Variants in GRIK2 observed in about 807,000 individuals in gnomAD.
GRIK2 encodes the protein glutamate ionotropic receptor kainate type subunit 2.
Under a neutral mutation model 100.3 loss-of-function variants are expected in GRIK2, and 32 were observed. That is an observed-to-expected ratio of 0.32 (90% CI 0.24 to 0.43). The LOEUF is 0.43. GRIK2 is among the 20% of genes least tolerant of loss of function. The pLI, the probability that GRIK2 is intolerant of heterozygous loss-of-function variation, is 1.00. For missense variants in GRIK2, 843 were observed against 1,114.9 expected, an observed-to-expected ratio of 0.76 and a Z score of 3.47; for synonymous variants, 417 against 389.4, an observed-to-expected ratio of 1.07 and a Z score of -0.83.
chr6:101,451,568 A>T (rs1187991958), intron 2 of GRIK2, among the ~76,000 whole-genome samples: 1 of 151,578 alleles, frequency 6.6e-6, no homozygotes, highest in African/African-American at 2.4e-5. Flanking sequence ...CCATTCATGA[A>T]GACAGCATGG....
chr6:101,406,395 A>G (rs1435695088), intron 2 of GRIK2, among the ~76,000 whole-genome samples: 2 of 152,176 alleles, frequency 1.3e-5, no homozygotes, highest in Admixed American at 1.3e-4. Context: ...TAGAAAGGTC[A>G]CTAGACAGCA....
At chr6:102,038,519 T>C (rs1218683042) in intron 15 of GRIK2, among the ~76,000 whole-genome samples, 1 of 151,468 alleles carries the variant, frequency 6.6e-6, no homozygotes, top group Non-Finnish European at 1.5e-5. Context: ...GCCACTATCA[T>C]AATCTGCATT....
At chr6:101,597,386 T>A (rs1337181862) in intron 2 of GRIK2, among the ~76,000 whole-genome samples, 2 of 151,706 alleles carry the variant, frequency 1.3e-5, no homozygotes, top group Non-Finnish European at 2.9e-5. Flanking sequence ...AAAGTTGACA[T>A]AATTTTTAAA....
At chr6:101,787,614 ATTC>A (rs1779519446) in intron 7 of GRIK2, among the ~76,000 whole-genome samples, 2 of 152,154 alleles carry the variant, frequency 1.3e-5, no homozygotes, top group East Asian at 1.9e-4. Flanking sequence ...AGTTTCAAAA[ATTC>A]TTCTTGTTAT....
intron 4 of GRIK2, among the ~76,000 whole-genome samples, chr6:101,668,267 C>T (rs1025227942): frequency 1.3e-5 from 2 of 152,056 alleles, no homozygotes; most frequent in African/African-American, 4.8e-5. Flanking sequence ...GTTCTCTGTA[C>T]AGAAAAAATC....
chr6:101,733,347 C>A (rs1775409129), intron 7 of GRIK2, among the ~76,000 whole-genome samples: 1 of 152,078 alleles, frequency 6.6e-6, no homozygotes, highest in Non-Finnish European at 1.5e-5. Context: ...GGATAAACAT[C>A]CCCATTCCAA....
chr6:102,050,679 A>AT lies in GRIK2; in HGVS notation c.2312-4650dup, dbSNP rs1475728247. 3.2e-4 allele frequency among the ~76,000 whole-genome samples: 49 copies of AT among 150,890 alleles called. 1 individual carries two copies. Among genetic ancestry groups the AT allele is most frequent in the South Asian group, 6.2e-4 (3 of 4,810 alleles). ...AAAAAAAAAAAAAACGGAATAAGAA[A>AT]TAAAAAGAGAGTACAGGAAAGGCAA... is the stretch of plus-strand genomic sequence containing the variant. On this transcript the variant is annotated intron_variant, in intron 15 of 16. Coordinates refer to ENST00000369134, the MANE Select transcript of GRIK2 (RefSeq NM_021956.5).
Position 101,621,948 on chromosome 6 carries a change from G to A in GRIK2, c.116-1G>A. 1 of 1,591,728 alleles carries A rather than the reference G, an allele frequency of 6.3e-7. No individual in the cohort carries two copies. The highest frequency in any genetic ancestry group is 8.6e-7 in the Non-Finnish European group (1 of 1,161,484). On this transcript the variant is annotated splice_acceptor_variant, in intron 2 of 16. Transcript: ENST00000369134. LOFTEE classifies it high-confidence loss of function. ...ATGATTTTTCTCTTTCTTTTTGCCA[G>A]GTGGTATTTTTGAATATGTGGAATC... is the stretch of plus-strand genomic sequence containing the variant.
At chr6:101,439,567 A>T (rs1769930851) in intron 2 of GRIK2, among the ~76,000 whole-genome samples, 1 of 152,150 alleles carries the variant, frequency 6.6e-6, no homozygotes, top group Non-Finnish European at 1.5e-5. Context: ...TTCTGATTCT[A>T]AAGACATGGG....
intron 2 of GRIK2, among the ~76,000 whole-genome samples, chr6:101,491,444 G>A (rs145059454): frequency 2.0e-5 from 3 of 151,898 alleles, no homozygotes; most frequent in African/African-American, 7.2e-5. Context: ...AACCTTCACT[G>A]GAAAAATGCC....
chr6:101,567,544 T>G (rs191644030), intron 2 of GRIK2, among the ~76,000 whole-genome samples: 73 of 152,118 alleles, frequency 4.8e-4, no homozygotes, highest in Admixed American at 7.9e-4. Flanking sequence ...CTTCACATTC[T>G]GGGCAAATGG....
intron 7 of GRIK2, among the ~76,000 whole-genome samples, chr6:101,697,494 A>C (rs7741472): frequency 0.041 from 1,091 of 26,540 alleles, 10 homozygotes; most frequent in African/African-American, 0.06. Flanking sequence ...TATTACAATA[A>C]CATATCCCTA....
chr6:101,582,795 A>G (rs1778164307), intron 2 of GRIK2, among the ~76,000 whole-genome samples: 1 of 152,168 alleles, frequency 6.6e-6, no homozygotes, highest in African/African-American at 2.4e-5. Flanking sequence ...GTTCACATAC[A>G]ATTCCTGACA....
chr6:101,761,209 G>T (rs2128391380), intron 7 of GRIK2, among the ~76,000 whole-genome samples: 1 of 152,232 alleles, frequency 6.6e-6, no homozygotes, highest in African/African-American at 2.4e-5. Context: ...CACTATCTTT[G>T]AATTCCATGG....
At chr6:101,910,792 G>A (rs1175269768) in intron 12 of GRIK2, among the ~76,000 whole-genome samples, 1 of 148,852 alleles carries the variant, frequency 6.7e-6, no homozygotes, top group Non-Finnish European at 1.5e-5. Context: ...AAAAGAATTA[G>A]GTGACTATAA....
chr6:101,968,583 A>G (rs1792845402), intron 14 of GRIK2, among the ~76,000 whole-genome samples: 1 of 151,986 alleles, frequency 6.6e-6, no homozygotes, highest in Admixed American at 6.6e-5. Context: ...TCATTTTAAT[A>G]TTTCTAGATC....
chr6:101,512,113 A>G (rs2243889), intron 2 of GRIK2, among the ~76,000 whole-genome samples: 11,112 of 151,614 alleles, frequency 0.073, 482 homozygotes, highest in Middle Eastern at 0.11. Context: ...CTTTAAGGAT[A>G]CTGCCATTAT....
In GRIK2 at chr6:101,686,331, G is replaced by T. The variant is rs1314174085; in HGVS notation, c.929G>T (p.Gly310Val). The T allele has an allele frequency of 1.9e-6, 3 of 1,613,300 alleles. No homozygotes were observed. The highest frequency in any genetic ancestry group is 3.3e-5 in the Admixed American group (2 of 59,964). Residue 310 changes from glycine to valine, a missense_variant, in exon 7 of 17, where the codon GGT becomes GTT. Gly to Val is a moderately radical substitution (Grantham distance 109, BLOSUM62 -3). Coordinates refer to ENST00000369134, the MANE Select transcript of GRIK2 (RefSeq NM_021956.5). Reference sequence around the variant, plus strand: ...CAGGCACCTCCGAAACCCGATTCAGGTTTGCTGGATGGATTTATGACGGTA... The same window carrying T: ...CAGGCACCTCCGAAACCCGATTCAGTTTTGCTGGATGGATTTATGACGGTA... ...RLQAPPKPDS[G>V]LLDGFMTTDA...
At chr6:101,580,675 C>T (rs1160849964) in intron 2 of GRIK2, among the ~76,000 whole-genome samples, 1 of 152,110 alleles carries the variant, frequency 6.6e-6, no homozygotes, top group Admixed American at 6.6e-5. Flanking sequence ...ACTTCCCACC[C>T]GAACCTCTCT....
Sources: allele counts gnomAD v4.1 joint callset (sites outside exome capture counted in the v4.1 genomes callset), GRCh38; gene constraint gnomAD v4.1.1; transcripts MANE v1.5; gene names NCBI Gene and HGNC (gene_info 2026-07-23, HGNC 2026-07-21).